ZC3H18: variants seen among roughly 807,000 people sequenced by gnomAD.
ZC3H18 encodes the protein zinc finger CCCH-type containing 18.
Under a neutral mutation model 106.1 loss-of-function variants are expected in ZC3H18, and 8 were observed. The ratio of observed to expected loss-of-function variants is 0.08; its 90% CI spans 0.04 to 0.14. The LOEUF (loss-of-function observed/expected upper bound fraction) is 0.14, where lower values mean the gene tolerates loss of function less well. ZC3H18 is among the 10% of genes least tolerant of loss of function. The pLI, the probability that ZC3H18 is intolerant of heterozygous loss-of-function variation, is 1.00. For missense variants in ZC3H18, 1,318 were observed against 1,278.4 expected (o/e 1.03, Z -0.47); for synonymous variants, 635 against 522.1 (o/e 1.22, Z -2.95).
At chr16:88,616,275 A>G (rs1487104386) in intron 8 of ZC3H18, among the ~76,000 whole-genome samples, 2 of 151,950 alleles carry the variant, frequency 1.3e-5, no homozygotes, top group East Asian at 3.9e-4. Context: ...GCTCTCACCA[A>G]ACTGGGCCGA....
chr16:88,592,900 C>T (rs1055605693), intron 3 of ZC3H18, among the ~76,000 whole-genome samples: 7 of 151,974 alleles, frequency 4.6e-5, no homozygotes, highest in Admixed American at 6.6e-5. Context: ...TTTTATTATT[C>T]GTAAGTTCTT....
intron 3 of ZC3H18, among the ~76,000 whole-genome samples, 180 bp downstream of exon 3, chr16:88,586,864 C>T (rs1480012032): frequency 1.3e-5 from 2 of 151,878 alleles, no homozygotes; most frequent in Non-Finnish European, 2.9e-5. Flanking sequence ...AACAATAGGC[C>T]CTTTTATTGG....
At position 88,607,093 on chromosome 16, in the gene ZC3H18, G is replaced by A. The variant is rs183563043; in HGVS notation, c.1089-1841G>A. 2.3e-3 allele frequency among the ~76,000 whole-genome samples: 352 copies of A among 152,264 alleles called. 2 individuals carry two copies. Among genetic ancestry groups the A allele is most frequent in the Non-Finnish European group, 4.2e-3 (286 of 68,014 alleles). ...GAGCAGGCCCCCCCCAACCCTGTGC[G>A]CAGTGGGGAAGAGAGCCTGACCTTC... On this transcript the variant is annotated intron_variant, in intron 6 of 17. Coordinates refer to ENST00000301011, the MANE Select transcript of ZC3H18 (RefSeq NM_144604.4).
chr16:88,577,513 C>T lies in ZC3H18; in HGVS notation c.390C>T (p.Tyr130=), dbSNP rs901318941. The part of the protein sequence containing the change: ...TRELDEHELD[Y]DEEVPEEPAP... ...AGCTGGATGAGCATGAGCTAGACTA[C>T]GATGAGGAGGTTCCTGAGGAGCCAG... Residue 130 remains tyrosine (Y), a synonymous_variant, in exon 2 of 18, where the codon TAC becomes TAT. Transcript: ENST00000301011. 6.2e-6 allele frequency: 10 copies of T among 1,612,834 alleles called. No homozygotes were observed. The highest frequency in any genetic ancestry group is 1.3e-5 in the African/African-American group (1 of 74,854).
intron 1 of ZC3H18, 63 bp downstream of exon 1, chr16:88,570,629 C>CGAGGCG (rs1347514500): frequency 1.3e-5 from 2 of 150,446 alleles, no homozygotes; most frequent in South Asian, 1.9e-4. Flanking sequence ...AGGAGGCCGC[C>CGAGGCG]GAGGCGGCGG....
intron 3 of ZC3H18, among the ~76,000 whole-genome samples, chr16:88,595,820 TAAAA>T (rs1904408268): frequency 6.8e-6 from 1 of 147,784 alleles, no homozygotes; most frequent in African/African-American, 2.5e-5. Context: ...AAAAAAAAAT[TAAAA>T]AAAGGAAAGA....
At chr16:88,630,400 G>T (rs1452749118) in intron 16 of ZC3H18, 85 bp from the exon 17 acceptor site, 6 of 1,042,634 alleles carry the variant, frequency 5.8e-6, no homozygotes, top group South Asian at 1.4e-5. Flanking sequence ...GGCTTTAGAA[G>T]TGAGTCCCTG....
intron 6 of ZC3H18, 55 bp from the exon 7 acceptor site, chr16:88,608,879 T>C: frequency 6.9e-7 from 1 of 1,454,014 alleles, no homozygotes; most frequent in South Asian, 1.2e-5. Context: ...TCGTGTGGTC[T>C]TTTTACGCCA....
At chr16:88,575,897 T>C (rs896158310) in intron 1 of ZC3H18, among the ~76,000 whole-genome samples, 9 of 151,920 alleles carry the variant, frequency 5.9e-5, no homozygotes, top group Admixed American at 5.9e-4. Context: ...TTTGTTTGTT[T>C]GTTTGTTTTT....
chr16:88,587,433 G>T (rs1915501014), intron 3 of ZC3H18: 5 of 858,720 alleles, frequency 5.8e-6, no homozygotes, highest in South Asian at 1.6e-5. Context: ...AGGTAGGAAG[G>T]TGTTTTTCTC....
intron 8 of ZC3H18, among the ~76,000 whole-genome samples, chr16:88,614,356 T>C (rs994290070): frequency 2.0e-5 from 3 of 152,204 alleles, no homozygotes; most frequent in African/African-American, 7.2e-5. Context: ...AAGCCCCTTG[T>C]CCTCCTCATC....
chr16:88,625,655 G>A, intron 13 of ZC3H18: 1 of 211,604 alleles, frequency 4.7e-6, no homozygotes, highest in Non-Finnish European at 9.6e-6. Flanking sequence ...GAGGGAACCG[G>A]CCTGAGGGGG....
chr16:88,572,743 G>A lies in ZC3H18; in HGVS notation c.-15+2177G>A, dbSNP rs545148749. Among the ~76,000 whole-genome samples, 32 of 151,456 alleles carry A rather than the reference G, an allele frequency of 2.1e-4. 1 individual carries two copies. The highest frequency in any genetic ancestry group is 6.8e-4 in the African/African-American group (28 of 41,368). On this transcript the variant is annotated intron_variant, in intron 1 of 17. Coordinates refer to ENST00000301011, the MANE Select transcript of ZC3H18 (RefSeq NM_144604.4). ...TCATTGTCTACACTTAAGAGGCCAC[G>A]TTTCCCTTCGTAGCACCTTATTACT...
Position 88,631,411 on chromosome 16 carries a change from A to G in ZC3H18, c.*112A>G. ...TGTGATTCTTTTTAAAAAGTAAAAA[A>G]GAAAAAAAAGTTTCTCAGCTGGAAA... On this transcript the variant is annotated 3_prime_UTR_variant, in exon 18 of 18. Transcript: ENST00000301011. 7 of 1,424,120 alleles carry G rather than the reference A, an allele frequency of 4.9e-6. No homozygotes were observed. The highest frequency in any genetic ancestry group is 6.6e-6 in the Non-Finnish European group (7 of 1,057,978). 88.2% of individuals were successfully genotyped at this position (1,424,120 alleles called of 1,614,324 possible). A position where few individuals can be genotyped will look rare whatever the true frequency, so the allele number is the denominator to read the frequency against.
At chr16:88,606,024 G>T (rs1358475037) in intron 6 of ZC3H18, among the ~76,000 whole-genome samples, 1 of 152,240 alleles carries the variant, frequency 6.6e-6, no homozygotes, top group Admixed American at 6.5e-5. Context: ...TGTTGGTGTT[G>T]GCTGGTTAAG....
Position 88,623,276 on chromosome 16 carries a change from G to C in ZC3H18, c.1725G>C (p.Arg575=), listed in dbSNP as rs771511408. The change falls in exon 10 of 18, where the codon CGG becomes CGC. Residue 575 remains arginine (R), a synonymous_variant. Transcript: ENST00000301011. ...SGSGSSRSRS[R]SSSYSSYSSR... ...CCGGCTCCTCCCGGTCGCGATCCCG[G>C]TCTTCATCCTACAGCTCCTACTCCA... The C allele has an allele frequency of 1.9e-6, 3 of 1,613,668 alleles. No individual in the cohort carries two copies. Among genetic ancestry groups the C allele is most frequent in the African/African-American group, 1.3e-5 (1 of 74,988 alleles).
At chr16:88,628,259 C>T in intron 15 of ZC3H18, 140 bp downstream of exon 15, 2 of 971,624 alleles carry the variant, frequency 2.1e-6, no homozygotes, top group Non-Finnish European at 3.0e-6. Context: ...GCCTGGGTAA[C>T]AAAGCGAGAC....
At chr16:88,583,537 A>C (rs1272281192) in intron 2 of ZC3H18, among the ~76,000 whole-genome samples, 2 of 152,230 alleles carry the variant, frequency 1.3e-5, no homozygotes, top group Non-Finnish European at 2.9e-5. Flanking sequence ...GACAGCCTGG[A>C]CCCAGGATTT....
intron 1 of ZC3H18, among the ~76,000 whole-genome samples, chr16:88,571,101 C>T (rs888664649): frequency 6.6e-6 from 1 of 152,180 alleles, no homozygotes; most frequent in Non-Finnish European, 1.5e-5. Flanking sequence ...ACTTCCTTGC[C>T]CCTTGGATTA....
Sources: gnomAD v4.1 joint callset for allele counts (sites outside exome capture counted in the v4.1 genomes callset) on GRCh38, gnomAD v4.1.1 for gene constraint, MANE v1.5 for transcripts, NCBI Gene and HGNC (gene_info 2026-07-23, HGNC 2026-07-21) for gene names.